Variants in LHFPL6 observed in about 807,000 individuals in gnomAD.
LHFPL6 encodes the protein LHFPL tetraspan subfamily member 6.
Under a neutral mutation model 20.6 loss-of-function variants are expected in LHFPL6, and 9 were observed. That is an observed-to-expected ratio of 0.44 (90% CI 0.26 to 0.76). The LOEUF (loss-of-function observed/expected upper bound fraction) is 0.76, where lower values mean the gene tolerates loss of function less well. Among genes scored for constraint, LHFPL6 ranks in the 30% least tolerant of loss-of-function variants. LHFPL6 has a pLI of 0.20. For synonymous variants in LHFPL6, 105 were observed against 98.7 expected (o/e 1.06, Z -0.38); for missense variants, 218 against 253.5 (o/e 0.86, Z 0.95).
At chr13:39,526,952 G>A (rs976748227) in intron 2 of LHFPL6, among the ~76,000 whole-genome samples, 2 of 152,070 alleles carry the variant, frequency 1.3e-5, no homozygotes, top group African/African-American at 4.8e-5. Flanking sequence ...ATCAACCTTC[G>A]AATTACATAT....
At chr13:39,498,959 C>T (rs1038659220) in intron 2 of LHFPL6, among the ~76,000 whole-genome samples, 1 of 152,174 alleles carries the variant, frequency 6.6e-6, no homozygotes, top group Non-Finnish European at 1.5e-5. Flanking sequence ...CTCCCAGGTT[C>T]GACTGATTCT....
intron 2 of LHFPL6, among the ~76,000 whole-genome samples, chr13:39,593,041 A>G (rs557826983): frequency 6.6e-6 from 1 of 152,234 alleles, no homozygotes; most frequent in African/African-American, 2.4e-5. Context: ...AACTGGAAGC[A>G]TTCCCTTTGA....
At chr13:39,486,096 T>A (rs554869329) in intron 2 of LHFPL6, among the ~76,000 whole-genome samples, 69 of 152,216 alleles carry the variant, frequency 4.5e-4, no homozygotes, top group African/African-American at 1.6e-3. Flanking sequence ...CCAAACCCAC[T>A]CCACACAGTT....
At chr13:39,570,365 A>G (rs1479099554) in intron 2 of LHFPL6, among the ~76,000 whole-genome samples, 1 of 152,096 alleles carries the variant, frequency 6.6e-6, no homozygotes, top group Non-Finnish European at 1.5e-5. Flanking sequence ...GGTTGGTCTC[A>G]AACTCCTGGG....
chr13:39,508,542 G>C (rs1869573511), intron 2 of LHFPL6, among the ~76,000 whole-genome samples: 1 of 152,150 alleles, frequency 6.6e-6, no homozygotes, highest in East Asian at 1.9e-4. Flanking sequence ...CAATTGATCT[G>C]TTTGAATTTT....
intron 2 of LHFPL6, among the ~76,000 whole-genome samples, chr13:39,567,547 AG>A (rs1176804025): frequency 2.0e-5 from 3 of 152,072 alleles, no homozygotes; most frequent in Non-Finnish European, 4.4e-5. Context: ...GGGCCACATA[AG>A]GTTTTCTTCC....
At chr13:39,530,036 G>A (rs1253227997) in intron 2 of LHFPL6, among the ~76,000 whole-genome samples, 2 of 152,130 alleles carry the variant, frequency 1.3e-5, no homozygotes, top group Non-Finnish European at 2.9e-5. Flanking sequence ...ATTGTGCATA[G>A]TAGGTACTCA....
chr13:39,343,091 C>G lies in LHFPL6; in HGVS notation c.*845G>C, dbSNP rs1869290455. On this transcript the variant is annotated 3_prime_UTR_variant, in exon 4 of 4. Transcript: ENST00000379589. ...CGGCTGAATTCTCTCCTATAGTGGA[C>G]AGAAAGTTGCCCCTTTTCTTCATAA... The G allele has an allele frequency of 5.0e-6, 1 of 201,446 alleles. No individual in the cohort carries two copies. The highest frequency in any genetic ancestry group is 6.0e-5 in the Admixed American group (1 of 16,684). 12.5% of individuals were successfully genotyped at this position (201,446 alleles called of 1,614,324 possible).
At chr13:39,504,434 T>C (rs908813410) in intron 2 of LHFPL6, among the ~76,000 whole-genome samples, 2 of 152,232 alleles carry the variant, frequency 1.3e-5, no homozygotes, top group African/African-American at 2.4e-5. Flanking sequence ...AGCTCACATA[T>C]GAAGTATCAC....
At position 39,591,059 on chromosome 13, in the gene LHFPL6, T is replaced by C. The variant is rs76484312; in HGVS notation, c.385+9773A>G. 3.3e-3 allele frequency among the ~76,000 whole-genome samples: 498 copies of C among 152,356 alleles called. 1 individual carries two copies. The highest frequency in any genetic ancestry group is 5.3e-3 in the Non-Finnish European group (358 of 68,036). ...ATAATTCTAGCGAAAAAGTGTTGCA[T>C]AGCTGCTAATAAGTCCAAGTATAAT... On this transcript the variant is annotated intron_variant, in intron 2 of 3. Transcript: ENST00000379589.
chr13:39,554,440 A>G (rs2138514447), intron 2 of LHFPL6, among the ~76,000 whole-genome samples: 1 of 152,346 alleles, frequency 6.6e-6, no homozygotes, highest in African/African-American at 2.4e-5. Context: ...AATGCAAGTC[A>G]GACACTTTAA....
intron 3 of LHFPL6, among the ~76,000 whole-genome samples, chr13:39,369,607 C>CCT (rs1566095694): frequency 4.7e-5 from 7 of 148,164 alleles, no homozygotes; most frequent in African/African-American, 1.5e-4. Flanking sequence ...TCCTCCCTCT[C>CCT]TCCCTCCCTT....
intron 2 of LHFPL6, among the ~76,000 whole-genome samples, chr13:39,382,244 A>G (rs1870456235): frequency 6.6e-6 from 1 of 152,198 alleles, no homozygotes; most frequent in Admixed American, 6.5e-5. Flanking sequence ...GTAAGATGGT[A>G]TTTAGAACAC....
intron 2 of LHFPL6, among the ~76,000 whole-genome samples, chr13:39,408,421 T>G (rs1432293704): frequency 1.3e-5 from 2 of 152,218 alleles, no homozygotes. Flanking sequence ...TATAATCACT[T>G]TAATTAAGTG....
At chr13:39,426,763 T>C (rs1871649333) in intron 2 of LHFPL6, among the ~76,000 whole-genome samples, 1 of 152,208 alleles carries the variant, frequency 6.6e-6, no homozygotes, top group South Asian at 2.1e-4. Flanking sequence ...TTTAATTTTA[T>C]TATCTCCAGT....
At chr13:39,484,112 A>G (rs934828000) in intron 2 of LHFPL6, among the ~76,000 whole-genome samples, 1 of 152,142 alleles carries the variant, frequency 6.6e-6, no homozygotes, top group Non-Finnish European at 1.5e-5. Context: ...AATGCCATTC[A>G]CGTGACAATC....
intron 2 of LHFPL6, among the ~76,000 whole-genome samples, chr13:39,407,435 T>G (rs1871138071): frequency 6.6e-6 from 1 of 152,180 alleles, no homozygotes; most frequent in Admixed American, 6.5e-5. Flanking sequence ...TTCCAGACTT[T>G]TAGCCACAAA....
chr13:39,490,072 T>C (rs1365054553), intron 2 of LHFPL6, among the ~76,000 whole-genome samples: 3 of 142,964 alleles, frequency 2.1e-5, no homozygotes, highest in African/African-American at 7.9e-5. Context: ...AGACAACAAG[T>C]AATAACAGAT....
chr13:39,465,366 A>G (rs776541259), intron 2 of LHFPL6, among the ~76,000 whole-genome samples: 1 of 152,210 alleles, frequency 6.6e-6, no homozygotes, highest in Non-Finnish European at 1.5e-5. Context: ...TATGAGTTAG[A>G]GCTAAAAAAT....
Sources: allele counts gnomAD v4.1 joint callset (sites outside exome capture counted in the v4.1 genomes callset), GRCh38; gene constraint gnomAD v4.1.1; transcripts MANE v1.5; gene names NCBI Gene and HGNC (gene_info 2026-07-23, HGNC 2026-07-21).